The following KDM4C variants were observed in gnomAD, a reference collection of about 807,000 sequenced individuals.
KDM4C encodes the protein lysine demethylase 4C.
KDM4C carries 81 observed loss-of-function variants against 129.3 expected under a neutral mutation model. That is an observed-to-expected ratio of 0.63 (90% CI 0.52 to 0.75). KDM4C has a LOEUF of 0.75. Among genes scored for constraint, KDM4C ranks in the 30% least tolerant of loss-of-function variants. The pLI is 0.00. For missense variants in KDM4C, 1,457 were observed against 1,304.0 expected (o/e 1.12, Z -1.81); for synonymous variants, 573 against 456.1 (o/e 1.26, Z -3.26).
intron 8 of KDM4C, among the ~76,000 whole-genome samples, chr9:6,921,392 C>G (rs1466256807): frequency 6.6e-6 from 1 of 152,186 alleles, no homozygotes; most frequent in Non-Finnish European, 1.5e-5. Flanking sequence ...CAAAAGACTT[C>G]TCCACCTCAT....
At chr9:6,786,439 G>A (rs1302116194) in intron 1 of KDM4C, among the ~76,000 whole-genome samples, 1 of 152,162 alleles carries the variant, frequency 6.6e-6, no homozygotes, top group Non-Finnish European at 1.5e-5. Flanking sequence ...CAGAAACATT[G>A]AAGACCAGCT....
chr9:6,907,942 C>A (rs1818617475), intron 8 of KDM4C, among the ~76,000 whole-genome samples: 1 of 152,160 alleles, frequency 6.6e-6, no homozygotes, highest in African/African-American at 2.4e-5. Flanking sequence ...CTCAAAGATT[C>A]ATAGACAGTG....
At chr9:7,138,498 C>G (rs1322623505) in intron 19 of KDM4C, among the ~76,000 whole-genome samples, 1 of 152,124 alleles carries the variant, frequency 6.6e-6, no homozygotes, top group East Asian at 1.9e-4. Flanking sequence ...GTAATTAAAG[C>G]TGGTGTGATC....
At chr9:6,927,256 A>G (rs540983242) in intron 8 of KDM4C, among the ~76,000 whole-genome samples, 2 of 151,984 alleles carry the variant, frequency 1.3e-5, no homozygotes, top group Non-Finnish European at 1.5e-5. Context: ...CAGCCTCCTG[A>G]GTAGTTGGGA....
At chr9:6,925,630 A>G (rs1263941074) in intron 8 of KDM4C, 2 of 985,226 alleles carry the variant, frequency 2.0e-6, no homozygotes, top group Admixed American at 1.2e-4. Context: ...CTTGTTTACC[A>G]TCAGCCCTTC....
upstream of KDM4C, among the ~76,000 whole-genome samples, chr9:6,756,588 G>A (rs1818298709): frequency 6.6e-6 from 1 of 152,200 alleles, no homozygotes; most frequent in Non-Finnish European, 1.5e-5. Context: ...GTGGTGGCGG[G>A]CGACTGTAAT....
At chr9:6,842,444 C>G (rs1201086912) in intron 4 of KDM4C, among the ~76,000 whole-genome samples, 2 of 150,492 alleles carry the variant, frequency 1.3e-5, no homozygotes, top group Non-Finnish European at 2.9e-5. Flanking sequence ...ACGTGATTCT[C>G]TTGTCTCAGT....
At chr9:6,776,356 C>T (rs1268741870) in intron 1 of KDM4C, among the ~76,000 whole-genome samples, 3 of 152,038 alleles carry the variant, frequency 2.0e-5, no homozygotes, top group Admixed American at 1.3e-4. Flanking sequence ...CTCTGCCTCC[C>T]GGGTTCAAGT....
intron 19 of KDM4C, among the ~76,000 whole-genome samples, chr9:7,160,507 G>C (rs115703465): frequency 0.013 from 1,930 of 152,234 alleles, 44 homozygotes; most frequent in African/African-American, 0.045. Context: ...CTACAGATCG[G>C]GTTTTGGCGT....
intron 3 of KDM4C, among the ~76,000 whole-genome samples, chr9:6,812,218 CAG>C (rs1831284472): frequency 6.8e-6 from 1 of 146,494 alleles, no homozygotes; most frequent in African/African-American, 2.5e-5. Flanking sequence ...GCCTGGGTGA[CAG>C]AACAAGACTC....
intron 17 of KDM4C, among the ~76,000 whole-genome samples, chr9:7,081,902 C>T (rs1006048584): frequency 1.3e-5 from 2 of 152,102 alleles, no homozygotes; most frequent in South Asian, 4.2e-4. Context: ...CTTGTGCTTG[C>T]TCCTTTAGAA....
intron 3 of KDM4C, among the ~76,000 whole-genome samples, chr9:6,813,085 G>A (rs2131125632): frequency 6.6e-6 from 1 of 152,218 alleles, no homozygotes; most frequent in Middle Eastern, 3.4e-3. Flanking sequence ...TGAGGCAGGA[G>A]AATCCCTTGA....
intron 1 of KDM4C, among the ~76,000 whole-genome samples, chr9:6,780,444 T>C (rs1449972604): frequency 1.3e-5 from 2 of 151,818 alleles, no homozygotes; most frequent in Admixed American, 1.3e-4. Context: ...ATTCTCATAC[T>C]GTTATTAAAA....
intron 1 of KDM4C, among the ~76,000 whole-genome samples, chr9:6,731,247 T>C (rs1368430327): frequency 1.3e-5 from 2 of 152,100 alleles, no homozygotes; most frequent in East Asian, 3.8e-4. Context: ...ACGTGGTCTG[T>C]TCTAGGATCT....
intron 1 of KDM4C, among the ~76,000 whole-genome samples, chr9:6,779,926 G>T (rs1228143822): frequency 6.6e-6 from 1 of 152,066 alleles, no homozygotes; most frequent in Non-Finnish European, 1.5e-5. Context: ...AACCTGAGTG[G>T]CTCAAAATTC....
chr9:6,831,263 A>C (rs1240103905), intron 4 of KDM4C, among the ~76,000 whole-genome samples: 1 of 152,160 alleles, frequency 6.6e-6, no homozygotes, highest in Non-Finnish European at 1.5e-5. Flanking sequence ...TTCATGTAAA[A>C]ATTTGAGGTA....
At chr9:7,003,617 T>G (rs1184469488) in intron 12 of KDM4C, among the ~76,000 whole-genome samples, 1 of 152,182 alleles carries the variant, frequency 6.6e-6, no homozygotes, top group Non-Finnish European at 1.5e-5. Flanking sequence ...GCTTTAGACT[T>G]TAAACTGTAG....
At chr9:6,858,456 T>G (rs975345984) in intron 5 of KDM4C, among the ~76,000 whole-genome samples, 4 of 152,172 alleles carry the variant, frequency 2.6e-5, no homozygotes, top group Non-Finnish European at 5.9e-5. Flanking sequence ...CCAACTTTCT[T>G]TATTGTGTAC....
At chr9:6,736,881 T>A in intron 1 of KDM4C, among the ~76,000 whole-genome samples, 1 of 150,872 alleles carries the variant, frequency 6.6e-6, no homozygotes, top group South Asian at 2.1e-4. Context: ...CCAAACCCCG[T>A]CTCTACAAAA....
Sources: gnomAD v4.1 joint callset for allele counts (sites outside exome capture counted in the v4.1 genomes callset) on GRCh38, gnomAD v4.1.1 for gene constraint, MANE v1.5 for transcripts, NCBI Gene and HGNC (gene_info 2026-07-23, HGNC 2026-07-21) for gene names.